The following SCN8A variants were observed in gnomAD, a reference collection of about 807,000 sequenced individuals.
SCN8A encodes the protein sodium channel protein type 8 subunit alpha.
Under a neutral mutation model 184.1 loss-of-function variants are expected in SCN8A, and 30 were observed. The observed-to-expected ratio is 0.16, with a 90% confidence interval of 0.12 to 0.22. SCN8A has a LOEUF of 0.22. SCN8A is among the 10% of genes least tolerant of loss of function. The pLI, the probability that SCN8A is intolerant of heterozygous loss-of-function variation, is 1.00. For missense variants in SCN8A, 1,057 were observed against 2,498.9 expected (o/e 0.42, Z 12.30); for synonymous variants, 852 against 907.0 (o/e 0.94, Z 1.09).
At chr12:51,696,784 A>T (rs936621951) in intron 6 of SCN8A, among the ~76,000 whole-genome samples, 2 of 152,096 alleles carry the variant, frequency 1.3e-5, no homozygotes, top group African/African-American at 4.8e-5. Context: ...TAATCCCAGC[A>T]CTTTGGGAGG....
intron 11 of SCN8A, among the ~76,000 whole-genome samples, chr12:51,714,730 A>T (rs1218592363): frequency 2.6e-5 from 4 of 152,234 alleles, no homozygotes; most frequent in Non-Finnish European, 5.9e-5. Context: ...ATCTTGACAG[A>T]CAATTTACGT....
At chr12:51,601,234 A>G (rs1235834977) in intron 1 of SCN8A, among the ~76,000 whole-genome samples, 1 of 152,220 alleles carries the variant, frequency 6.6e-6, no homozygotes, top group African/African-American at 2.4e-5. Flanking sequence ...TCATGCAAGT[A>G]ATATTTTAGT....
At chr12:51,740,221 G>T (rs1388390742) in intron 12 of SCN8A, among the ~76,000 whole-genome samples, 1 of 152,198 alleles carries the variant, frequency 6.6e-6, no homozygotes, top group Non-Finnish European at 1.5e-5. Flanking sequence ...TTTGTTTATG[G>T]CCAGTTTTGG....
In SCN8A at chr12:51,764,683, A is replaced by G. The variant is rs142860935; in HGVS notation, c.2545-988A>G. On this transcript the variant is annotated intron_variant, in intron 15 of 26. Transcript: ENST00000627620. ...AAAAATAATTAACACTCTGTTAGCC[A>G]AGATCTTGTGATTATTTATTACAGA... 3.5e-3 allele frequency among the ~76,000 whole-genome samples: 537 copies of G among 152,256 alleles called. 2 individuals carry two copies. The highest frequency in any genetic ancestry group is 0.012 in the African/African-American group (507 of 41,564).
At chr12:51,704,244 G>A (rs1011540058) in intron 9 of SCN8A, among the ~76,000 whole-genome samples, 20 of 152,008 alleles carry the variant, frequency 1.3e-4, no homozygotes, top group African/African-American at 4.6e-4. Flanking sequence ...ATAGTGGGTT[G>A]CATGCACATA....
chr12:51,760,479 G>T (rs181908851), intron 14 of SCN8A, among the ~76,000 whole-genome samples: 92 of 152,296 alleles, frequency 6.0e-4, no homozygotes, highest in Admixed American at 2.6e-3. Flanking sequence ...AGTTCCCACA[G>T]TATAGATATT....
rs1398064233 is a variant in SCN8A at position 51,688,676 on chromosome 12, T to A, written c.615-329T>A. The stretch of plus-strand genomic sequence containing the variant: ...GGAAAAAAAATGAAACCATAGCTTG[T>A]ATATAAGACCCTTTCTTCCCCCCAT... On this transcript the variant is annotated intron_variant, in intron 5 of 26. Transcript: ENST00000627620. 3.4e-6 allele frequency: 3 copies of A among 880,382 alleles called. No homozygotes were observed. In the African/African-American group the frequency reaches 5.0e-5, roughly 15 times the overall value. 54.5% of individuals were successfully genotyped at this position (880,382 alleles called of 1,614,324 possible). A position where few individuals can be genotyped will look rare whatever the true frequency, so the allele number is the denominator to read the frequency against.
chr12:51,755,799 C>G (rs1942664782), intron 14 of SCN8A, among the ~76,000 whole-genome samples: 1 of 152,126 alleles, frequency 6.6e-6, no homozygotes, highest in Non-Finnish European at 1.5e-5. Context: ...CTTCAAGATT[C>G]TTTCTAGTTT....
At chr12:51,780,353 C>T (rs528157526) in intron 20 of SCN8A, 8 of 346,276 alleles carry the variant, frequency 2.3e-5, no homozygotes, top group South Asian at 1.9e-4. Flanking sequence ...AGCCTCTCCC[C>T]TTTTCCAACT....
chr12:51,672,786 A>G (rs1941155603), intron 2 of SCN8A, among the ~76,000 whole-genome samples: 1 of 152,056 alleles, frequency 6.6e-6, no homozygotes, highest in African/African-American at 2.4e-5. Context: ...TTGACTCCCC[A>G]ATTTTCTTCA....
intron 10 of SCN8A, 102 bp from the exon 11 acceptor site, chr12:51,706,320 C>T (rs1311853357): frequency 1.7e-6 from 2 of 1,182,090 alleles, no homozygotes; most frequent in African/African-American, 1.5e-5. Flanking sequence ...CTTTTTTCCT[C>T]CTTTCCCTTC....
rs1309759646 is a variant in SCN8A, at chr12:51,751,368, T to G, written c.2145T>G (p.Ser715=). The change falls in exon 14 of 27, where the codon TCT becomes TCG. Residue 715 remains serine, a synonymous_variant. Transcript: ENST00000627620. ...TNTLVEELEE[S]QRKCPPCWYK... ...TACTTACTGTAGAACTGGAAGAGTC[T>G]CAGAGAAAGTGCCCGCCATGCTGGT... The G allele has an allele frequency of 6.2e-7, 1 of 1,613,156 alleles. No individual in the cohort carries two copies. Among genetic ancestry groups the G allele is most frequent in the Non-Finnish European group, 8.5e-7 (1 of 1,179,336 alleles).
intron 19 of SCN8A, among the ~76,000 whole-genome samples, chr12:51,770,913 C>G (rs1389835840): frequency 6.6e-6 from 1 of 152,224 alleles, no homozygotes; most frequent in Non-Finnish European, 1.5e-5. Flanking sequence ...TGTGTCCCCA[C>G]TGCCTGGTTT....
At chr12:51,622,809 T>A (rs117932631) in intron 1 of SCN8A, among the ~76,000 whole-genome samples, 3 of 152,306 alleles carry the variant, frequency 2.0e-5, no homozygotes, top group Non-Finnish European at 4.4e-5. Flanking sequence ...CTTTACCTCC[T>A]ACAGAGGGTA....
At chr12:51,721,105 A>ATATATATATATATATATATATATG (rs1565899386) in intron 11 of SCN8A, among the ~76,000 whole-genome samples, 1 of 107,914 alleles carries the variant, frequency 9.3e-6, no homozygotes, top group African/African-American at 3.8e-5. Context: ...ATATATATAT[A>ATATATATATATATATATATATATG]TAATATTTAT....
At chr12:51,622,151 A>T (rs1278460154) in intron 1 of SCN8A, among the ~76,000 whole-genome samples, 1 of 152,232 alleles carries the variant, frequency 6.6e-6, no homozygotes, top group Non-Finnish European at 1.5e-5. Context: ...TAGATTTTTT[A>T]AAATCAACTT....
intron 14 of SCN8A, among the ~76,000 whole-genome samples, chr12:51,761,816 G>A (rs1184126787): frequency 6.6e-6 from 1 of 152,080 alleles, no homozygotes. Flanking sequence ...CAGGCAGTAA[G>A]AGTGAGAGTT....
intron 1 of SCN8A, among the ~76,000 whole-genome samples, chr12:51,601,855 G>GTTTTTTTTTTTTTTTTTTTTTTTTTT: frequency 9.1e-6 from 1 of 109,746 alleles, no homozygotes; most frequent in Non-Finnish European, 1.8e-5. Context: ...CAGAGAAAGG[G>GTTTTTTTTTTTTTTTTTTTTTTTTTT]TTTTTTTTTT....
chr12:51,741,803 T>G (rs1255117018), intron 12 of SCN8A, among the ~76,000 whole-genome samples: 2 of 150,314 alleles, frequency 1.3e-5, no homozygotes, highest in Admixed American at 1.3e-4. Flanking sequence ...CTCCACCTCC[T>G]AAGTGATTCT....
Sources: allele counts gnomAD v4.1 joint callset (sites outside exome capture counted in the v4.1 genomes callset), GRCh38; gene constraint gnomAD v4.1.1; transcripts MANE v1.5; gene names NCBI Gene and HGNC (gene_info 2026-07-23, HGNC 2026-07-21).